RELB: variants seen among roughly 807,000 people sequenced by gnomAD.
RELB encodes transcription factor RelB.
In RELB, 14 loss-of-function variants were observed where a neutral mutation model predicts 55.4. The observed-to-expected ratio is 0.25, with a 90% CI of 0.17 to 0.40. The LOEUF (loss-of-function observed/expected upper bound fraction) is 0.40, where lower values mean the gene tolerates loss of function less well. Among genes scored for constraint, RELB ranks in the 10% least tolerant of loss-of-function variants. The pLI is 1.00. For missense variants in RELB, 669 were observed against 830.7 expected (o/e 0.81, Z 2.39); for synonymous variants, 409 against 371.3 (o/e 1.10, Z -1.17).
At chr19:45,021,988 C>T in intron 4 of RELB, 65 bp from the exon 5 acceptor site, 1 of 1,501,696 alleles carries the variant, frequency 6.7e-7, no homozygotes, top group Admixed American at 2.0e-5. Flanking sequence ...AGGAAGGCCC[C>T]AAGGAGTTTG....
rs146190016 is a variant in RELB, at chr19:45,032,912, T to C, written c.1207+163T>C. ...CTGCTGCTTACTGGTTGTGTGACCT[T>C]GGCCTCTCTGAGCCTCATTCTTCTG... On this transcript the variant is annotated intron_variant, in intron 9 of 11. Coordinates refer to ENST00000221452, the MANE Select transcript of RELB (RefSeq NM_006509.4). Among the ~76,000 whole-genome samples the C allele has an allele frequency of 1.4e-4, 21 of 152,282 alleles. 1 individual carries two copies. In the East Asian group the frequency reaches 4.0e-3, roughly 29 times the overall value.
rs117039780 is a variant in RELB at position 45,004,557 on chromosome 19, C to A, written c.154+1561C>A. ...GTTCTTAAACCATGTGCATCAGAATCATCCATAGCGCTAGTTAAAACATAA... is the reference window on the plus strand; with the variant it reads ...GTTCTTAAACCATGTGCATCAGAATAATCCATAGCGCTAGTTAAAACATAA... On this transcript the variant is annotated intron_variant, in intron 2 of 11. Transcript: ENST00000221452. 1.5e-3 allele frequency among the ~76,000 whole-genome samples: 226 copies of A among 151,182 alleles called. 5 individuals carry two copies. In the East Asian group the frequency reaches 0.039, roughly 26 times the overall value.
At chr19:45,027,867 T>C (rs1798763962) in intron 7 of RELB, among the ~76,000 whole-genome samples, 2 of 152,062 alleles carry the variant, frequency 1.3e-5, no homozygotes, top group African/African-American at 4.8e-5. Context: ...CCTTAAACAT[T>C]TTTTAAAAAT....
At chr19:45,035,725 C>G (rs568997811) in intron 11 of RELB, among the ~76,000 whole-genome samples, 1 of 152,302 alleles carries the variant, frequency 6.6e-6, no homozygotes, top group South Asian at 2.1e-4. Flanking sequence ...ACTTGGGAGG[C>G]TGAGGCAGGA....
chr19:45,013,297 G>A (rs758808357), intron 4 of RELB, among the ~76,000 whole-genome samples: 1 of 151,444 alleles, frequency 6.6e-6, no homozygotes, highest in Non-Finnish European at 1.5e-5. Flanking sequence ...CCACCACCAC[G>A]CCTGGCTAAT....
At chr19:45,009,789 CT>C (rs1568397280) in intron 2 of RELB, 24 bp from the exon 3 acceptor site, 1 of 1,598,942 alleles carries the variant, frequency 6.3e-7, no homozygotes, top group Non-Finnish European at 8.5e-7. Context: ...TTACCTTTCT[CT>C]TTCTCTTTCT....
rs372022505 is a variant in RELB, at chr19:45,011,908, T to C, written c.164-28T>C. 3.8e-4 allele frequency: 502 copies of C among 1,327,762 alleles called. 3 individuals are homozygous for C. The highest frequency in any genetic ancestry group is 6.7e-4 in the South Asian group (41 of 61,448). 82.2% of individuals were successfully genotyped at this position (1,327,762 alleles called of 1,614,324 possible). ...TTTTTAATTTTTTAAAGAATGGGCG[T>C]CACCACCCGTTTTTTCTTCTCCCGC... On this transcript the variant is annotated intron_variant, in intron 3 of 11. Coordinates refer to ENST00000221452, the MANE Select transcript of RELB (RefSeq NM_006509.4).
intron 2 of RELB, chr19:45,003,625 C>A: frequency 1.9e-6 from 1 of 517,766 alleles, no homozygotes; most frequent in East Asian, 5.4e-5. Flanking sequence ...CTGCTGTCAT[C>A]GCCCCTCCCT....
At chr19:45,024,615 T>C (rs1600077197) in intron 5 of RELB, among the ~76,000 whole-genome samples, 1 of 152,132 alleles carries the variant, frequency 6.6e-6, no homozygotes, top group East Asian at 1.9e-4. Flanking sequence ...AGTGGCATGA[T>C]CTCATCTCTC....
At chr19:45,034,335 C>T in intron 10 of RELB, 23 bp downstream of exon 10, 1 of 1,611,510 alleles carries the variant, frequency 6.2e-7, no homozygotes, top group Non-Finnish European at 8.5e-7. Context: ...TGCCCCTTTC[C>T]ACCCCCATCC....
intron 8 of RELB, 42 bp from the exon 9 acceptor site, chr19:45,032,492 C>G: frequency 6.6e-7 from 1 of 1,514,816 alleles, no homozygotes; most frequent in East Asian, 2.3e-5. Flanking sequence ...GCACAGTGGT[C>G]CAGATGTCCT....
At chr19:45,018,341 G>A (rs1213812935) in intron 4 of RELB, among the ~76,000 whole-genome samples, 7 of 151,776 alleles carry the variant, frequency 4.6e-5, no homozygotes, top group African/African-American at 1.2e-4. Flanking sequence ...GAGGTGGAGC[G>A]TGCAGTGAGC....
intron 9 of RELB, among the ~76,000 whole-genome samples, chr19:45,033,411 G>A (rs1040400136): frequency 2.0e-5 from 3 of 152,198 alleles, no homozygotes; most frequent in East Asian, 1.9e-4. Flanking sequence ...TAGGCCGGGC[G>A]CAGTGGCTCA....
chr19:45,024,461 C>T (rs369542942), intron 5 of RELB, among the ~76,000 whole-genome samples: 2 of 152,230 alleles, frequency 1.3e-5, no homozygotes, highest in East Asian at 3.9e-4. Context: ...CACGCCCGGC[C>T]TGAAGTTTTC....
intron 4 of RELB, 55 bp downstream of exon 4, chr19:45,012,331 G>A (rs1165528414): frequency 7.0e-6 from 8 of 1,147,472 alleles, no homozygotes; most frequent in Non-Finnish European, 5.7e-6. Context: ...CCTGCACCCC[G>A]GAGCCATCCA....
intron 5 of RELB, among the ~76,000 whole-genome samples, chr19:45,023,684 C>T (rs1452454454): frequency 6.6e-6 from 1 of 151,098 alleles, no homozygotes; most frequent in African/African-American, 2.4e-5. Context: ...GTGATCCGCC[C>T]GCCTCGGCCT....
chr19:45,003,922 T>TTTG (rs1971249354), intron 2 of RELB, among the ~76,000 whole-genome samples: 1 of 122,662 alleles, frequency 8.2e-6, no homozygotes, highest in African/African-American at 3.1e-5. Flanking sequence ...TGTGTTTTTT[T>TTTG]TTTTTTTTTT....
At chr19:45,011,756 CTGTGTGTGTGTG>C (rs199579874) in intron 3 of RELB, among the ~76,000 whole-genome samples, 168 bp from the exon 4 acceptor site, 2 of 59,912 alleles carry the variant, frequency 3.3e-5, no homozygotes, top group African/African-American at 1.2e-4. Flanking sequence ...CTCCCTGACT[CTGTGTGTGTGTG>C]TGTGTGTGTG....
At chr19:45,034,581 T>C in intron 11 of RELB, 53 bp downstream of exon 11, 1 of 1,492,964 alleles carries the variant, frequency 6.7e-7, no homozygotes, top group East Asian at 2.5e-5. Flanking sequence ...AGAGGGTAAG[T>C]GGCAGCCCTG....
Sources: gnomAD v4.1 joint callset for allele counts (sites outside exome capture counted in the v4.1 genomes callset) on GRCh38, gnomAD v4.1.1 for gene constraint, MANE v1.5 for transcripts, NCBI Gene and HGNC (gene_info 2026-07-23, HGNC 2026-07-21) for gene names.